Variants in PTPN12 observed in about 807,000 individuals in gnomAD.
PTPN12 encodes protein tyrosine phosphatase non-receptor type 12, also known as tyrosine-protein phosphatase non-receptor type 12.
In PTPN12, 29 loss-of-function variants were observed where a neutral mutation model predicts 97.6. The ratio of observed to expected loss-of-function variants is 0.30; its 90% CI spans 0.22 to 0.41. The LOEUF (loss-of-function observed/expected upper bound fraction) is 0.41. Among genes scored for constraint, PTPN12 ranks in the 10% least tolerant of loss-of-function variants. The pLI is 1.00. For synonymous variants in PTPN12, 327 were observed against 300.4 expected, an observed-to-expected ratio of 1.09 and a Z score of -0.91; for missense variants, 819 against 926.0, an observed-to-expected ratio of 0.88 and a Z score of 1.50.
At chr7:77,541,077 T>A (rs1806950230) in intron 1 of PTPN12, among the ~76,000 whole-genome samples, 1 of 152,098 alleles carries the variant, frequency 6.6e-6, no homozygotes, top group South Asian at 2.1e-4. Flanking sequence ...ATTTTTTGGT[T>A]TTGTTTTGTT....
chr7:77,553,105 G>A (rs903419414), intron 1 of PTPN12, among the ~76,000 whole-genome samples: 1 of 152,118 alleles, frequency 6.6e-6, no homozygotes, highest in African/African-American at 2.4e-5. Context: ...AGTTTAAAAT[G>A]CCCCTACATC....
chr7:77,639,212 A>G lies in PTPN12; in HGVS notation c.2282-7A>G, dbSNP rs1000943601. On this transcript the variant is annotated splice_polypyrimidine_tract_variant and splice_region_variant and intron_variant, in intron 17 of 17. Coordinates refer to ENST00000248594, the MANE Select transcript of PTPN12 (RefSeq NM_002835.4). ...ACTGACTAGTTATTGTGGTGTTTTC[A>G]CTGTAGGTTTTGGTAATCGATGTGG... 10 of 1,608,310 alleles carry G rather than the reference A, an allele frequency of 6.2e-6. No individual in the cohort carries two copies. The highest frequency in any genetic ancestry group is 1.7e-5 in the Admixed American group (1 of 59,386).
chr7:77,633,876 G>A (rs117513161), intron 14 of PTPN12, among the ~76,000 whole-genome samples: 2,789 of 151,164 alleles, frequency 0.018, 34 homozygotes, highest in Middle Eastern at 0.072. Context: ...TAAAATAACT[G>A]TCCAGTTGTG....
intron 1 of PTPN12, among the ~76,000 whole-genome samples, chr7:77,546,956 T>C (rs756430788): frequency 2.0e-5 from 3 of 152,186 alleles, no homozygotes; most frequent in Non-Finnish European, 4.4e-5. Context: ...TGAGATTTGG[T>C]GGGGACACAA....
intron 9 of PTPN12, among the ~76,000 whole-genome samples, chr7:77,608,185 C>T (rs1270572669): frequency 6.6e-6 from 1 of 152,200 alleles, no homozygotes; most frequent in Non-Finnish European, 1.5e-5. Context: ...ATAATTCTGG[C>T]TTTCTCATTT....
intron 7 of PTPN12, among the ~76,000 whole-genome samples, chr7:77,599,202 A>G (rs978985030): frequency 3.9e-5 from 6 of 152,076 alleles, no homozygotes; most frequent in Non-Finnish European, 2.9e-5. Context: ...CATTGTTTAT[A>G]TAATTATTAC....
chr7:77,538,547 G>T (rs186408399), intron 1 of PTPN12, among the ~76,000 whole-genome samples: 2 of 151,072 alleles, frequency 1.3e-5, no homozygotes, highest in Non-Finnish European at 3.0e-5. Context: ...CCCCGCCTCC[G>T]CCACCCCCTA....
chr7:77,588,686 G>A (rs776150605), intron 5 of PTPN12, among the ~76,000 whole-genome samples: 9 of 152,102 alleles, frequency 5.9e-5, no homozygotes, highest in Non-Finnish European at 1.0e-4. Context: ...AGGTATGCCT[G>A]TACTTAACAA....
At chr7:77,592,797 C>G (rs1279346945) in intron 6 of PTPN12, among the ~76,000 whole-genome samples, 1 of 151,492 alleles carries the variant, frequency 6.6e-6, no homozygotes, top group East Asian at 1.9e-4. Flanking sequence ...AATTCAAGCT[C>G]AAAAGCTAAC....
chr7:77,561,450 G>T (rs963781821), intron 1 of PTPN12, among the ~76,000 whole-genome samples: 2 of 152,208 alleles, frequency 1.3e-5, no homozygotes, highest in Non-Finnish European at 2.9e-5. Context: ...GGAGTTAGTG[G>T]TTCACCAGGA....
At chr7:77,596,922 T>A (rs1562737392) in intron 6 of PTPN12, among the ~76,000 whole-genome samples, 1 of 152,196 alleles carries the variant, frequency 6.6e-6, no homozygotes, top group Non-Finnish European at 1.5e-5. Flanking sequence ...TCATTCTTGG[T>A]GCTATACATT....
intron 1 of PTPN12, among the ~76,000 whole-genome samples, chr7:77,561,898 TCTCCTGC>T (rs1396116100): frequency 6.6e-6 from 1 of 151,718 alleles, no homozygotes; most frequent in African/African-American, 2.4e-5. Flanking sequence ...TTCATGCCAT[TCTCCTGC>T]CTCAGCCTCC....
chr7:77,548,015 G>A (rs1027288822), intron 1 of PTPN12, among the ~76,000 whole-genome samples: 1 of 152,122 alleles, frequency 6.6e-6, no homozygotes, highest in Non-Finnish European at 1.5e-5. Context: ...CATTATTATG[G>A]CATAGTTGTT....
intron 9 of PTPN12, 147 bp from the exon 10 acceptor site, chr7:77,610,618 G>A: frequency 2.4e-6 from 2 of 833,176 alleles, no homozygotes; most frequent in Admixed American, 3.0e-5. Flanking sequence ...ACAGTGCCAA[G>A]CACAGTGTCT....
chr7:77,629,400 C>G (rs543292512), intron 13 of PTPN12, among the ~76,000 whole-genome samples: 8 of 152,008 alleles, frequency 5.3e-5, no homozygotes, highest in East Asian at 3.9e-4. Context: ...TCTTTTGTTC[C>G]TCAGCTTCAG....
chr7:77,544,835 CTT>C (rs1414269967), intron 1 of PTPN12, among the ~76,000 whole-genome samples: 6 of 152,206 alleles, frequency 3.9e-5, no homozygotes, highest in African/African-American at 4.8e-5. Context: ...TGTAGACAAA[CTT>C]AATGCTGTAA....
chr7:77,610,040 C>G (rs559367681), intron 9 of PTPN12, among the ~76,000 whole-genome samples: 18 of 152,308 alleles, frequency 1.2e-4, no homozygotes, highest in African/African-American at 4.3e-4. Flanking sequence ...AAACCTCCGC[C>G]AGTTTCTCAC....
chr7:77,607,217 CA>C lies in PTPN12; in HGVS notation c.696-15del. The C allele has an allele frequency of 6.4e-7, 1 of 1,552,488 alleles. No homozygotes were observed. ...TTTATCACAAAAATCAATTGTTTTT[CA>C]AACTTTATATCCTTAGTGCAGGCTG... On this transcript the variant is annotated splice_polypyrimidine_tract_variant and intron_variant, in intron 8 of 17. Transcript: ENST00000248594.
chr7:77,592,535 CTG>C (rs746228177), intron 6 of PTPN12, among the ~76,000 whole-genome samples: 4 of 152,230 alleles, frequency 2.6e-5, no homozygotes, highest in African/African-American at 7.2e-5. Flanking sequence ...AATGAAGTAA[CTG>C]TGCTTTTAAT....
Sources: gnomAD v4.1 joint callset for allele counts (sites outside exome capture counted in the v4.1 genomes callset) on GRCh38, gnomAD v4.1.1 for gene constraint, MANE v1.5 for transcripts, NCBI Gene and HGNC (gene_info 2026-07-23, HGNC 2026-07-21) for gene names.